SLC10A7: variants seen among roughly 807,000 people sequenced by gnomAD.
The protein encoded by SLC10A7 is solute carrier family 10 member 7, also known as sodium/bile acid cotransporter 7.
Under a neutral mutation model 43.2 loss-of-function variants are expected in SLC10A7, and 29 were observed. That is an observed-to-expected ratio of 0.67 (90% CI 0.50 to 0.92). SLC10A7 has a LOEUF of 0.92. SLC10A7 is among the 40% of genes least tolerant of loss of function. The probability of loss-of-function intolerance (pLI) is 0.00; values close to 1 mark genes in which losing one functional copy is unlikely to be tolerated. For missense variants in SLC10A7, 295 were observed against 403.2 expected, an observed-to-expected ratio of 0.73 and a Z score of 2.30; for synonymous variants, 152 against 144.8, an observed-to-expected ratio of 1.05 and a Z score of -0.35.
At chr4:146,464,247 G>A (rs1381429034) in intron 4 of SLC10A7, among the ~76,000 whole-genome samples, 1 of 152,118 alleles carries the variant, frequency 6.6e-6, no homozygotes, top group Non-Finnish European at 1.5e-5. Flanking sequence ...ACTATCGAGA[G>A]ATGTTCACAC....
intron 5 of SLC10A7, among the ~76,000 whole-genome samples, chr4:146,425,789 C>T (rs1043213859): frequency 1.3e-5 from 2 of 152,140 alleles, no homozygotes; most frequent in South Asian, 2.1e-4. Flanking sequence ...GAAAGAAGAT[C>T]GCTGGTCCAA....
chr4:146,518,433 A>G (rs1389695225), intron 1 of SLC10A7, among the ~76,000 whole-genome samples: 1 of 152,184 alleles, frequency 6.6e-6, no homozygotes, highest in Non-Finnish European at 1.5e-5. Context: ...AAAAATTATC[A>G]TGTTCAAAAT....
At chr4:146,291,172 G>A (rs771743492) in intron 9 of SLC10A7, among the ~76,000 whole-genome samples, 7 of 152,172 alleles carry the variant, frequency 4.6e-5, no homozygotes, top group Non-Finnish European at 8.8e-5. Context: ...TTTGCCACAA[G>A]GACAAGCAAA....
chr4:146,491,782 T>TTA (rs1560960763), intron 4 of SLC10A7, among the ~76,000 whole-genome samples: 4 of 152,008 alleles, frequency 2.6e-5, no homozygotes, highest in African/African-American at 7.2e-5. Context: ...GCAAGGCCAG[T>TTA]ATCTTGGCAC....
rs3042366 is a variant in SLC10A7, at chr4:146,372,453, C to CA, written c.436-46458dup. Reference sequence around the variant, plus strand: ...TGAGTGACAGAGGGAAACCCTGTTTCAAAAAAAAAAAAAAAAAAAATGCTT... The same window carrying CA: ...TGAGTGACAGAGGGAAACCCTGTTTCAAAAAAAAAAAAAAAAAAAAATGCTT... On this transcript the variant is annotated intron_variant, in intron 5 of 11. Transcript: ENST00000335472. 2.5e-3 allele frequency among the ~76,000 whole-genome samples: 294 copies of CA among 116,984 alleles called. 3 individuals are homozygous for CA. Among genetic ancestry groups the CA allele is most frequent in the South Asian group, 0.012 (42 of 3,522 alleles). The allele number at this position is 116,984 out of a possible 152,430, so 76.7% of individuals were successfully genotyped here.
chr4:146,324,347 A>C (rs1732958023), intron 6 of SLC10A7, among the ~76,000 whole-genome samples: 1 of 152,180 alleles, frequency 6.6e-6, no homozygotes, highest in African/African-American at 2.4e-5. Flanking sequence ...TGGAACCAAA[A>C]AAGAGCCTGC....
At chr4:146,349,949 G>C (rs1734912537) in intron 5 of SLC10A7, among the ~76,000 whole-genome samples, 1 of 152,044 alleles carries the variant, frequency 6.6e-6, no homozygotes, top group African/African-American at 2.4e-5. Context: ...ATATACCCTA[G>C]TAACAGTCCT....
At chr4:146,369,168 G>A (rs1206258122) in intron 5 of SLC10A7, among the ~76,000 whole-genome samples, 1 of 152,132 alleles carries the variant, frequency 6.6e-6, no homozygotes, top group South Asian at 2.1e-4. Context: ...ATGGACCCTG[G>A]AGCCAGACAC....
chr4:146,305,928 G>A lies in SLC10A7; in HGVS notation c.553C>T (p.Gln185Ter), dbSNP rs1560782372. The A allele has an allele frequency of 6.2e-7, 1 of 1,605,950 alleles. No homozygotes were observed. Among genetic ancestry groups the A allele is most frequent in the South Asian group, 1.1e-5 (1 of 89,516 alleles). ...MTVVVPLIIG[Q>*]IVRRYIKDWL... Reference sequence around the variant, plus strand: ...TCAGATAGAATTGGAGGCCTTACCTGTCCAATGATGAGAGGAACCACAACA... The same window carrying A: ...TCAGATAGAATTGGAGGCCTTACCTATCCAATGATGAGAGGAACCACAACA... The change falls in exon 7 of 12, where the codon CAG becomes TAG. Residue 185 changes from glutamine to a stop codon, truncating the protein, a stop_gained and splice_region_variant. Coordinates refer to ENST00000335472, the MANE Select transcript of SLC10A7 (RefSeq NM_001029998.6). LOFTEE classifies it high-confidence loss of function.
chr4:146,380,267 G>T (rs1737517844), intron 5 of SLC10A7, among the ~76,000 whole-genome samples: 1 of 152,118 alleles, frequency 6.6e-6, no homozygotes, highest in South Asian at 2.1e-4. Context: ...TTGACAGTAT[G>T]TGAATTTCCA....
At chr4:146,322,945 T>C (rs1236459358) in intron 6 of SLC10A7, among the ~76,000 whole-genome samples, 3 of 152,188 alleles carry the variant, frequency 2.0e-5, no homozygotes, top group African/African-American at 7.2e-5. Context: ...CTCATTGTGG[T>C]TTTGATTTGC....
Position 146,256,283 on chromosome 4 carries a change from T to C in SLC10A7, c.*208A>G. On this transcript the variant is annotated 3_prime_UTR_variant, in exon 12 of 12. Coordinates refer to ENST00000335472, the MANE Select transcript of SLC10A7 (RefSeq NM_001029998.6). Reference sequence around the variant, plus strand: ...AAGCAAAATTAACCCCCAAATATTGTACCACCCCTGGCAGTAATCAACAAA... The same window carrying C: ...AAGCAAAATTAACCCCCAAATATTGCACCACCCCTGGCAGTAATCAACAAA... 3 of 581,570 alleles carry C rather than the reference T, an allele frequency of 5.2e-6. No individual in the cohort carries two copies. Among genetic ancestry groups the C allele is most frequent in the Non-Finnish European group, 9.1e-6 (3 of 328,520 alleles). 36.0% of individuals were successfully genotyped at this position (581,570 alleles called of 1,614,324 possible).
chr4:146,447,098 A>G (rs2149901876), intron 4 of SLC10A7, among the ~76,000 whole-genome samples: 1 of 152,228 alleles, frequency 6.6e-6, no homozygotes, highest in Non-Finnish European at 1.5e-5. Context: ...TCGTTTTCAA[A>G]ACAGTATCTT....
At chr4:146,324,089 T>C (rs1732933908) in intron 6 of SLC10A7, among the ~76,000 whole-genome samples, 1 of 152,020 alleles carries the variant, frequency 6.6e-6, no homozygotes, top group African/African-American at 2.4e-5. Flanking sequence ...TCAAAGAGAA[T>C]AAAATACCTA....
At chr4:146,503,963 T>A (rs758229709) in intron 3 of SLC10A7, 39 bp from the exon 4 acceptor site, 46 of 1,533,252 alleles carry the variant, frequency 3.0e-5, no homozygotes, top group East Asian at 4.5e-5. Context: ...AATAATTTTA[T>A]AATCATAGAC....
chr4:146,377,457 A>G (rs1475687283), intron 5 of SLC10A7, among the ~76,000 whole-genome samples: 1 of 152,050 alleles, frequency 6.6e-6, no homozygotes. Flanking sequence ...GCCCAAAAGC[A>G]CTCACCCCAG....
chr4:146,517,267 A>G (rs1177908714), intron 1 of SLC10A7, 147 bp from the exon 2 acceptor site: 5 of 510,452 alleles, frequency 9.8e-6, no homozygotes, highest in Non-Finnish European at 1.7e-5. Flanking sequence ...GTTCAAGACC[A>G]GCCTGACCAA....
At chr4:146,330,115 A>G (rs1179215962) in intron 5 of SLC10A7, among the ~76,000 whole-genome samples, 1 of 152,168 alleles carries the variant, frequency 6.6e-6, no homozygotes, top group Non-Finnish European at 1.5e-5. Flanking sequence ...CAGAAAATCC[A>G]TTTACACCTC....
intron 4 of SLC10A7, among the ~76,000 whole-genome samples, chr4:146,457,938 C>T (rs1273955390): frequency 4.6e-5 from 7 of 151,762 alleles, no homozygotes; most frequent in Admixed American, 3.9e-4. Flanking sequence ...TAAAAACTCA[C>T]CAAGAGAAAT....
Sources: allele counts gnomAD v4.1 joint callset (sites outside exome capture counted in the v4.1 genomes callset), GRCh38; gene constraint gnomAD v4.1.1; transcripts MANE v1.5; gene names NCBI Gene and HGNC (gene_info 2026-07-23, HGNC 2026-07-21).